Variants in XDH observed in about 807,000 individuals in gnomAD.
XDH encodes xanthine dehydrogenase.
A neutral mutation model predicts 156.1 loss-of-function variants in XDH; 138 were observed. That is an observed-to-expected ratio of 0.88 (90% confidence interval 0.77 to 1.02). XDH has a LOEUF of 1.02. XDH is among the 50% of genes least tolerant of loss of function. The pLI is 0.00. For synonymous variants in XDH, 669 were observed against 625.7 expected (o/e 1.07, Z -1.03); for missense variants, 1,849 against 1,684.9 (o/e 1.10, Z -1.71).
At chr2:31,367,054 C>G in intron 20 of XDH, 60 bp from the exon 21 acceptor site, 11 of 1,613,132 alleles carry the variant, frequency 6.8e-6, no homozygotes, top group Non-Finnish European at 9.3e-6. Context: ...GCCAGCTTGC[C>G]TAAGGAGAGA....
At chr2:31,401,113 G>A in intron 4 of XDH, 107 bp downstream of exon 4, 1 of 1,269,254 alleles carries the variant, frequency 7.9e-7, no homozygotes, top group Non-Finnish European at 1.1e-6. Flanking sequence ...AGATTAAGCA[G>A]TGAAACTCTT....
chr2:31,403,266 C>T (rs909220208), intron 2 of XDH, 122 bp from the exon 3 acceptor site: 12 of 1,059,426 alleles, frequency 1.1e-5, no homozygotes, highest in Admixed American at 4.3e-5. Flanking sequence ...GGCCCCTCAA[C>T]CAAGGAAGGC....
At chr2:31,401,198 C>A (rs1201588898) in intron 4 of XDH, 22 bp downstream of exon 4, 1 of 1,612,596 alleles carries the variant, frequency 6.2e-7, no homozygotes, top group East Asian at 2.2e-5. Flanking sequence ...CTCAAGAGCA[C>A]AGCTCCCTTT....
rs1030771899 is a variant in XDH, at chr2:31,372,349, G to A, written c.1735C>T (p.Pro579Ser). Residue 579 changes from proline (P) to serine (S), a missense_variant, in exon 17 of 36, where the codon CCC becomes TCC. Transcript: ENST00000379416. ...SEEDMVGRPL[P>S]HLAADMQASG... ...GCCTGCATGTCCGCTGCCAGGTGGG[G>A]CAGGGGCCGGCCCACCATGTCCTCC... 3 of 1,614,166 alleles carry A rather than the reference G, an allele frequency of 1.9e-6. No individual in the cohort carries two copies. In the Middle Eastern group the frequency reaches 4.9e-4, roughly 266 times the overall value.
chr2:31,343,854 G>A lies in XDH; in HGVS notation c.3404+830C>T, dbSNP rs552265648. Among the ~76,000 whole-genome samples, 28 of 141,604 alleles carry A rather than the reference G, an allele frequency of 2.0e-4. No individual in the cohort carries two copies. In the South Asian group the frequency reaches 4.1e-3, roughly 21 times the overall value. The allele number at this position is 141,604 out of a possible 152,430, so 92.9% of individuals were successfully genotyped here. A position where few individuals can be genotyped will look rare whatever the true frequency, so the allele number is the denominator to read the frequency against. ...TTCATATATATATTCATATACATAC[G>A]GAAAATAAATGTTTCATACAAAGAA... is the stretch of plus-strand genomic sequence containing the variant. On this transcript the variant is annotated intron_variant, in intron 31 of 35. Transcript: ENST00000379416.
rs1685427491 is a variant in XDH at position 31,350,140 on chromosome 2, G to A, written c.2715C>T (p.Asn905=). ...CCCGGAAGGCCGTGTTGGAGGGAAG[G>A]TTGGTTTTGCACAGCCGCCCAGTGC... ...IRGTGRLCKT[N]LPSNTAFRGF... The change falls in exon 25 of 36, where the codon AAC becomes AAT. Residue 905 remains asparagine (N), a synonymous_variant. Transcript: ENST00000379416. 4 of 1,614,206 alleles carry A rather than the reference G, an allele frequency of 2.5e-6. No individual in the cohort carries two copies. In the East Asian group the frequency reaches 6.7e-5, roughly 27 times the overall value.
At position 31,366,765 on chromosome 2, in the gene XDH, A is replaced by G. The variant is rs962021887; in HGVS notation, c.2322+105T>C. On this transcript the variant is annotated intron_variant, in intron 21 of 35. Coordinates refer to ENST00000379416, the MANE Select transcript of XDH (RefSeq NM_000379.4). The stretch of plus-strand genomic sequence containing the variant: ...ACTATGACACTCGAGTACCCTCTGG[A>G]CCAGCCCACATCTCCCTCTTCCTAT... 16 of 1,580,384 alleles carry G rather than the reference A, an allele frequency of 1.0e-5. No individual in the cohort carries two copies. In the Admixed American group the frequency reaches 1.7e-4, roughly 16 times the overall value.
chr2:31,404,504 G>C (rs1260979179), intron 2 of XDH, among the ~76,000 whole-genome samples: 1 of 152,188 alleles, frequency 6.6e-6, no homozygotes, highest in East Asian at 1.9e-4. Context: ...CCAACTTTCA[G>C]TTTTGCATTT....
intron 26 of XDH, 91 bp downstream of exon 26, chr2:31,349,595 T>A: frequency 6.5e-7 from 1 of 1,538,900 alleles, no homozygotes; most frequent in Non-Finnish European, 8.8e-7. Flanking sequence ...AAGTTATCCA[T>A]TGAATTATTA....
chr2:31,401,098 T>G (rs1558315112), intron 4 of XDH, 122 bp downstream of exon 4: 2 of 1,130,990 alleles, frequency 1.8e-6, no homozygotes, highest in African/African-American at 3.1e-5. Flanking sequence ...GTGAAATGCC[T>G]TCTTAGATTA....
intron 6 of XDH, among the ~76,000 whole-genome samples, chr2:31,390,817 T>C (rs1234790451): frequency 6.6e-6 from 1 of 152,248 alleles, no homozygotes; most frequent in Non-Finnish European, 1.5e-5. Context: ...GTGAGGTAGC[T>C]GTGCAGGTCT....
intron 6 of XDH, among the ~76,000 whole-genome samples, chr2:31,394,164 C>A (rs1447586797): frequency 6.6e-6 from 1 of 151,886 alleles, no homozygotes. Flanking sequence ...TGGCCTACAT[C>A]ATTTTCCTTC....
In XDH at chr2:31,372,334, C is replaced by A; in HGVS notation, c.1750G>T (p.Asp584Tyr). ...ACGGCCTCACCAGAGGCCTGCATGT[C>A]CGCTGCCAGGTGGGGCAGGGGCCGG... ...VGRPLPHLAADMQASGEAVYC... is the reference protein window; with the variant it reads ...VGRPLPHLAAYMQASGEAVYC... The change falls in exon 17 of 36, where the codon GAC becomes TAC. Residue 584 changes from aspartate to tyrosine, a missense_variant. Physicochemically the swap from Asp to Tyr is radical, Grantham distance 160. Coordinates refer to ENST00000379416, the MANE Select transcript of XDH (RefSeq NM_000379.4). 6.2e-7 allele frequency: 1 copy of A among 1,614,198 alleles called. No individual in the cohort carries two copies. Among genetic ancestry groups the A allele is most frequent in the Non-Finnish European group, 8.5e-7 (1 of 1,180,038 alleles).
At chr2:31,403,420 T>C (rs1434019726) in intron 2 of XDH, among the ~76,000 whole-genome samples, 1 of 152,172 alleles carries the variant, frequency 6.6e-6, no homozygotes, top group South Asian at 2.1e-4. Context: ...GGACATGAGT[T>C]CTAGGACTGG....
chr2:31,363,758 T>G (rs1414638535), intron 24 of XDH, among the ~76,000 whole-genome samples: 1 of 152,204 alleles, frequency 6.6e-6, no homozygotes, highest in African/African-American at 2.4e-5. Context: ...TGATCATCAC[T>G]GCTAACAGTT....
chr2:31,396,470 C>T (rs573067449), intron 6 of XDH, among the ~76,000 whole-genome samples: 3 of 152,216 alleles, frequency 2.0e-5, no homozygotes, highest in African/African-American at 7.2e-5. Context: ...TTATAGTTCC[C>T]ATTTATTGAA....
intron 29 of XDH, 69 bp from the exon 30 acceptor site, chr2:31,346,912 A>G: frequency 6.2e-7 from 1 of 1,605,062 alleles, no homozygotes; most frequent in Non-Finnish European, 8.5e-7. Context: ...GCAAAACCCG[A>G]GGGCCCCAGC....
At position 31,350,368 on chromosome 2, in the gene XDH, C is replaced by CT. The variant is rs35646405; in HGVS notation, c.2632-146dup. 8.9e-3 allele frequency: 2,286 copies of CT among 257,266 alleles called. 10 individuals carry two copies. The highest frequency in any genetic ancestry group is 0.015 in the South Asian group (580 of 39,858). The allele number at this position is 257,266 out of a possible 1,614,324, so 15.9% of individuals were successfully genotyped here. Reference sequence around the variant, plus strand: ...CTCCCCCAGGATATTGCAGCAGCATCTTTTTTTTTTTTTTTTTTTTTTTTT... The same window carrying CT: ...CTCCCCCAGGATATTGCAGCAGCATCTTTTTTTTTTTTTTTTTTTTTTTTTT... On this transcript the variant is annotated intron_variant, in intron 24 of 35. Transcript: ENST00000379416.
chr2:31,344,508 T>G (rs207453), intron 31 of XDH, among the ~76,000 whole-genome samples, 176 bp downstream of exon 31: 4 of 152,218 alleles, frequency 2.6e-5, no homozygotes, highest in African/African-American at 9.7e-5. Context: ...GCACACAGTG[T>G]GGCCATTCCA....
Sources: gnomAD v4.1 joint callset for allele counts (sites outside exome capture counted in the v4.1 genomes callset) on GRCh38, gnomAD v4.1.1 for gene constraint, MANE v1.5 for transcripts, NCBI Gene and HGNC (gene_info 2026-07-23, HGNC 2026-07-21) for gene names.